LRRC69: variants seen among roughly 807,000 people sequenced by gnomAD.
LRRC69 encodes leucine rich repeat containing 69, also known as leucine-rich repeat-containing protein 69.
LRRC69 carries 42 observed loss-of-function variants against 37.8 expected under a neutral mutation model. That is an observed-to-expected ratio of 1.11 (90% CI 0.87 to 1.44). LRRC69 has a LOEUF of 1.44. Among genes scored for constraint, LRRC69 ranks in the 40% most tolerant of loss-of-function variants. LRRC69 has a pLI of 0.00. For missense variants in LRRC69, 357 were observed against 401.9 expected (o/e 0.89, Z 0.96); for synonymous variants, 141 against 143.1 (o/e 0.99, Z 0.11).
chr8:91,178,144 G>A (rs6988216), intron 5 of LRRC69, among the ~76,000 whole-genome samples: 102,931 of 152,032 alleles, frequency 0.68, 35,317 homozygotes, highest in African/African-American at 0.74. Context: ...CACTGCGCCC[G>A]GCCTGTTTTC....
At chr8:91,116,452 A>G (rs1813512495) in intron 1 of LRRC69, among the ~76,000 whole-genome samples, 1 of 152,012 alleles carries the variant, frequency 6.6e-6, no homozygotes, top group South Asian at 2.1e-4. Flanking sequence ...ATGATAGGAC[A>G]AGGATATTTA....
At position 91,200,592 on chromosome 8, in the gene LRRC69, G is replaced by A. The variant is rs1420471926; in HGVS notation, c.754-21G>A. The A allele has an allele frequency of 5.1e-6, 7 of 1,378,806 alleles. No individual in the cohort carries two copies. In the Admixed American group the frequency reaches 1.5e-4, roughly 29 times the overall value. 85.4% of individuals were successfully genotyped at this position (1,378,806 alleles called of 1,614,324 possible). On this transcript the variant is annotated intron_variant, in intron 6 of 7. Transcript: ENST00000448384. ...AGTTTTGAAAACAATCTGAGGAACT[G>A]TATTTTTTTTTTCAATTTAGGAAAT...
intron 5 of LRRC69, among the ~76,000 whole-genome samples, chr8:91,177,468 T>A (rs535963150): frequency 8.5e-5 from 13 of 152,312 alleles, no homozygotes; most frequent in African/African-American, 2.9e-4. Context: ...ATATATATAT[T>A]GAAATATGTT....
chr8:91,155,331 T>A (rs1048364102), intron 5 of LRRC69, among the ~76,000 whole-genome samples: 3 of 150,992 alleles, frequency 2.0e-5, no homozygotes, highest in Middle Eastern at 3.2e-3. Context: ...TCCATCTTTT[T>A]AAAAAATTTT....
At chr8:91,191,048 C>CAA in intron 6 of LRRC69, among the ~76,000 whole-genome samples, 1 of 144,622 alleles carries the variant, frequency 6.9e-6, no homozygotes, top group African/African-American at 2.5e-5. Context: ...CAAACCCCCC[C>CAA]CCCCCCAAGT....
At chr8:91,103,162 A>G (rs138047410) in intron 1 of LRRC69, among the ~76,000 whole-genome samples, 5 of 152,266 alleles carry the variant, frequency 3.3e-5, no homozygotes, top group South Asian at 2.1e-4. Flanking sequence ...CTGGTCGTCT[A>G]TCTTGGGGGC....
chr8:91,157,870 AT>A, intron 5 of LRRC69: 1 of 1,601,246 alleles, frequency 6.2e-7, no homozygotes, highest in South Asian at 1.1e-5. Flanking sequence ...TTTCAAATGC[AT>A]TTTTAGATAA....
intron 5 of LRRC69, among the ~76,000 whole-genome samples, chr8:91,137,228 C>G (rs1808438170): frequency 6.6e-6 from 1 of 151,972 alleles, no homozygotes; most frequent in South Asian, 2.1e-4. Context: ...CCCTCTGTGT[C>G]TTAATTTAAC....
intron 6 of LRRC69, among the ~76,000 whole-genome samples, chr8:91,194,679 G>A (rs1198734123): frequency 6.6e-6 from 1 of 151,998 alleles, no homozygotes; most frequent in Non-Finnish European, 1.5e-5. Flanking sequence ...TATTTCTGTG[G>A]GATCGGTGAT....
chr8:91,139,369 A>G (rs1350538699), intron 5 of LRRC69, among the ~76,000 whole-genome samples: 2 of 151,882 alleles, frequency 1.3e-5, no homozygotes, highest in Admixed American at 6.6e-5. Flanking sequence ...GTTAAACCCC[A>G]TCTCTACTAA....
intron 5 of LRRC69, among the ~76,000 whole-genome samples, chr8:91,167,340 A>G (rs1809047749): frequency 1.3e-5 from 2 of 151,678 alleles, no homozygotes. Flanking sequence ...TCCTTTTTAT[A>G]AAACCATCAG....
chr8:91,138,953 T>TACTTGAGGTGAAAGTATC (rs1250197529), intron 5 of LRRC69: 20 of 151,740 alleles, frequency 1.3e-4, no homozygotes, highest in African/African-American at 4.8e-4. Context: ...TGGTCCCAGT[T>TACTTGAGGTGAAAGTATC]ACTTGAGGTG....
At chr8:91,146,560 ATC>A (rs1563603992) in intron 5 of LRRC69, among the ~76,000 whole-genome samples, 1 of 151,738 alleles carries the variant, frequency 6.6e-6, no homozygotes, top group Non-Finnish European at 1.5e-5. Context: ...TCTCCAAGTA[ATC>A]TCTATGGAGT....
intron 5 of LRRC69, among the ~76,000 whole-genome samples, chr8:91,169,673 C>A (rs1290685533): frequency 1.1e-5 from 1 of 90,012 alleles, no homozygotes; most frequent in Admixed American, 1.2e-4. Context: ...CCCTCCCCCC[C>A]TACCCCCACC....
chr8:91,112,611 G>C (rs1266618312), intron 1 of LRRC69, among the ~76,000 whole-genome samples: 2 of 151,942 alleles, frequency 1.3e-5, no homozygotes, highest in Admixed American at 6.6e-5. Flanking sequence ...CTATATATGA[G>C]ACTCCCACAA....
chr8:91,106,385 C>A (rs1162322597), intron 1 of LRRC69, among the ~76,000 whole-genome samples: 2 of 151,988 alleles, frequency 1.3e-5, no homozygotes, highest in Admixed American at 1.3e-4. Flanking sequence ...AAAGTATTAA[C>A]ATAGTCTTGA....
intron 2 of LRRC69, among the ~76,000 whole-genome samples, chr8:91,126,732 G>T (rs1478261655): frequency 6.6e-6 from 1 of 151,994 alleles, no homozygotes; most frequent in African/African-American, 2.4e-5. Context: ...GAGAGAGCGG[G>T]TAAGATATTA....
At chr8:91,129,372 A>G (rs1216505165) in intron 3 of LRRC69, among the ~76,000 whole-genome samples, 1 of 151,972 alleles carries the variant, frequency 6.6e-6, no homozygotes, top group African/African-American at 2.4e-5. Context: ...GAAAAGTAGG[A>G]CATCTCCCTG....
chr8:91,123,675 A>G (rs1404608855), intron 1 of LRRC69, among the ~76,000 whole-genome samples: 1 of 152,030 alleles, frequency 6.6e-6, no homozygotes, highest in Admixed American at 6.6e-5. Flanking sequence ...AAAGTATGCA[A>G]TTGGTAATTA....
Sources: allele counts gnomAD v4.1 joint callset (sites outside exome capture counted in the v4.1 genomes callset), GRCh38; gene constraint gnomAD v4.1.1; transcripts MANE v1.5; gene names NCBI Gene and HGNC (gene_info 2026-07-23, HGNC 2026-07-21).